ADGRL2: variants seen among roughly 807,000 people sequenced by gnomAD.
ADGRL2 encodes the protein adhesion G protein-coupled receptor L2, also known as calcium-independent alpha-latrotoxin receptor 2.
A neutral mutation model predicts 157.4 loss-of-function variants in ADGRL2; 44 were observed. That is an observed-to-expected ratio of 0.28 (90% confidence interval 0.22 to 0.36). ADGRL2 has a LOEUF of 0.36. Ranked by LOEUF, ADGRL2 falls within the 10% of genes least tolerant of loss-of-function variation. ADGRL2 has a pLI of 1.00. For synonymous variants in ADGRL2, 585 were observed against 624.7 expected, an observed-to-expected ratio of 0.94 and a Z score of 0.95; for missense variants, 1,510 against 1,768.9, an observed-to-expected ratio of 0.85 and a Z score of 2.63.
chr1:81,654,576 A>G (rs1365396648), intron 3 of ADGRL2, among the ~76,000 whole-genome samples: 2 of 152,184 alleles, frequency 1.3e-5, no homozygotes, highest in African/African-American at 4.8e-5. Flanking sequence ...GCTGCCAACT[A>G]AAAAATGTCA....
intron 1 of ADGRL2, among the ~76,000 whole-genome samples, chr1:81,820,629 G>A (rs2090891779): frequency 6.7e-6 from 1 of 148,512 alleles, no homozygotes; most frequent in Non-Finnish European, 1.5e-5. Context: ...TTCTATTATT[G>A]TTGCTACCTT....
intron 1 of ADGRL2, among the ~76,000 whole-genome samples, chr1:81,399,779 A>G (rs1156778443): frequency 6.6e-6 from 1 of 152,112 alleles, no homozygotes; most frequent in Non-Finnish European, 1.5e-5. Context: ...CCAGCAATTC[A>G]TAGTTTCCTT....
At chr1:81,498,826 G>A (rs984061969) in intron 2 of ADGRL2, among the ~76,000 whole-genome samples, 1 of 152,006 alleles carries the variant, frequency 6.6e-6, no homozygotes, top group Non-Finnish European at 1.5e-5. Context: ...AAATATTTGC[G>A]TTGAGCCAGA....
At chr1:81,984,507 T>A (rs1210345300) in intron 19 of ADGRL2, 76 bp from the exon 20 acceptor site, 2 of 1,365,428 alleles carry the variant, frequency 1.5e-6, no homozygotes, top group Non-Finnish European at 2.0e-6. Flanking sequence ...TCGGTTGTCT[T>A]CACTGTTCAT....
intron 3 of ADGRL2, among the ~76,000 whole-genome samples, chr1:81,676,940 T>G (rs1277433370): frequency 6.6e-6 from 1 of 151,710 alleles, no homozygotes; most frequent in Non-Finnish European, 1.5e-5. Context: ...CTGCCCGCAG[T>G]GCTGAGATTA....
intron 1 of ADGRL2, among the ~76,000 whole-genome samples, chr1:81,338,320 G>A (rs1168184709): frequency 2.0e-5 from 3 of 152,054 alleles, no homozygotes; most frequent in Non-Finnish European, 2.9e-5. Context: ...CCAAGATGGC[G>A]CCACTGCACT....
In ADGRL2 at chr1:81,630,391, G is replaced by A. The variant is rs11799486; in HGVS notation, c.-143+49411G>A. Among the ~76,000 whole-genome samples, 664 of 152,118 alleles carry A rather than the reference G, an allele frequency of 4.4e-3. 8 individuals carry two copies. The highest frequency in any genetic ancestry group is 0.015 in the African/African-American group (613 of 41,478). On this transcript the variant is annotated intron_variant, in intron 3 of 24. Transcript: ENST00000370721. ...TTTAATCATCGAATACTTTTTGAGC[G>A]CCTACTCCATGCCCAGAACTGAGGG...
chr1:81,802,996 C>A (rs1231946704), intron 1 of ADGRL2, among the ~76,000 whole-genome samples: 1 of 152,006 alleles, frequency 6.6e-6, no homozygotes, highest in African/African-American at 2.4e-5. Context: ...ACCCGGCGGG[C>A]CACGGGGAGG....
intron 3 of ADGRL2, among the ~76,000 whole-genome samples, chr1:81,651,917 G>T (rs1287104970): frequency 1.3e-5 from 2 of 151,946 alleles, no homozygotes; most frequent in Non-Finnish European, 2.9e-5. Flanking sequence ...AGAGACAGGG[G>T]TCTCACTATG....
At chr1:81,386,895 C>T (rs1480681785) in intron 1 of ADGRL2, among the ~76,000 whole-genome samples, 1 of 152,136 alleles carries the variant, frequency 6.6e-6, no homozygotes, top group East Asian at 1.9e-4. Flanking sequence ...CTCCTCATCT[C>T]TACCTGTTTT....
intron 2 of ADGRL2, among the ~76,000 whole-genome samples, chr1:81,570,649 A>C (rs2080667348): frequency 6.6e-6 from 1 of 152,166 alleles, no homozygotes; most frequent in Admixed American, 6.5e-5. Context: ...TCGGCCTCCC[A>C]AAGTACTGAG....
intron 2 of ADGRL2, among the ~76,000 whole-genome samples, chr1:81,489,288 TA>T (rs891864477): frequency 4.6e-5 from 7 of 150,950 alleles, no homozygotes; most frequent in African/African-American, 7.3e-5. Flanking sequence ...AAAAAGAAAC[TA>T]AAAAAATCAA....
intron 18 of ADGRL2, chr1:81,981,006 C>T (rs915375433): frequency 2.4e-6 from 1 of 417,000 alleles, no homozygotes; most frequent in African/African-American, 2.1e-5. Context: ...CTTGCCTCTG[C>T]ATTTTGACTT....
chr1:81,952,249 G>A, intron 9 of ADGRL2, 107 bp downstream of exon 9: 1 of 809,326 alleles, frequency 1.2e-6, no homozygotes, highest in Non-Finnish European at 1.8e-6. Flanking sequence ...CATATACTTA[G>A]AAGCAAAATT....
At chr1:81,512,618 A>C (rs2148099281) in intron 2 of ADGRL2, among the ~76,000 whole-genome samples, 1 of 152,312 alleles carries the variant, frequency 6.6e-6, no homozygotes, top group South Asian at 2.1e-4. Flanking sequence ...AGTGACACCA[A>C]TGTGACTTTA....
chr1:81,363,254 C>T (rs545229206), intron 1 of ADGRL2, among the ~76,000 whole-genome samples: 11 of 151,938 alleles, frequency 7.2e-5, no homozygotes, highest in Non-Finnish European at 1.6e-4. Context: ...GAAAAAGAGG[C>T]TTTCTGTGAT....
At chr1:81,393,437 A>T (rs1343963761) in intron 1 of ADGRL2, among the ~76,000 whole-genome samples, 1 of 151,802 alleles carries the variant, frequency 6.6e-6, no homozygotes, top group Non-Finnish European at 1.5e-5. Context: ...AACACCAATT[A>T]CTTCATACAT....
chr1:81,692,035 T>C (rs1342231618), intron 3 of ADGRL2, among the ~76,000 whole-genome samples: 3 of 151,632 alleles, frequency 2.0e-5, no homozygotes, highest in African/African-American at 7.3e-5. Flanking sequence ...GATATATATA[T>C]ATTCACACAC....
chr1:81,788,257 C>G (rs992919782), intron 2 of ADGRL2, among the ~76,000 whole-genome samples: 2 of 152,086 alleles, frequency 1.3e-5, no homozygotes, highest in African/African-American at 4.8e-5. Flanking sequence ...GAAATGTAGT[C>G]CCCAGCATTA....
Sources: allele counts gnomAD v4.1 joint callset (sites outside exome capture counted in the v4.1 genomes callset), GRCh38; gene constraint gnomAD v4.1.1; transcripts MANE v1.5; gene names NCBI Gene and HGNC (gene_info 2026-07-23, HGNC 2026-07-21).